Variants in HPSE2 observed in about 807,000 individuals in gnomAD.
HPSE2 encodes inactive heparanase-2.
In HPSE2, 38 loss-of-function variants were observed where a neutral mutation model predicts 60.5. The observed-to-expected ratio is 0.63, with a 90% CI of 0.48 to 0.82. HPSE2 has a LOEUF of 0.82. Among genes scored for constraint, HPSE2 ranks in the 40% least tolerant of loss-of-function variants. The pLI is 0.00. For missense variants in HPSE2, 713 were observed against 740.4 expected, an observed-to-expected ratio of 0.96 and a Z score of 0.43; for synonymous variants, 295 against 293.2, an observed-to-expected ratio of 1.01 and a Z score of -0.06.
intron 2 of HPSE2, among the ~76,000 whole-genome samples, chr10:99,218,929 GGAAAT>G (rs1849223154): frequency 6.6e-6 from 1 of 152,144 alleles, no homozygotes; most frequent in African/African-American, 2.4e-5. Context: ...ACAATTACAA[GGAAAT>G]AAACTCCCAG....
intron 9 of HPSE2, among the ~76,000 whole-genome samples, chr10:98,534,129 T>C (rs1446684712): frequency 6.6e-6 from 1 of 152,172 alleles, no homozygotes; most frequent in East Asian, 1.9e-4. Context: ...AAAACCATGA[T>C]ATGGAGGAAT....
intron 3 of HPSE2, among the ~76,000 whole-genome samples, chr10:98,759,581 T>G (rs1333948326): frequency 6.6e-6 from 1 of 152,138 alleles, no homozygotes; most frequent in East Asian, 1.9e-4. Flanking sequence ...TCAGAACCGT[T>G]GTTAAAGATC....
chr10:98,924,197 C>G (rs1343892832), intron 3 of HPSE2, among the ~76,000 whole-genome samples: 1 of 152,198 alleles, frequency 6.6e-6, no homozygotes, highest in African/African-American at 2.4e-5. Context: ...TTGTTCTTTT[C>G]CCTTACTTTC....
At chr10:99,305,622 T>C in the HPSE2 span, among the ~76,000 whole-genome samples, 2 of 152,180 alleles carry the variant, frequency 1.3e-5, no homozygotes, top group African/African-American at 2.4e-5. Flanking sequence ...TGGGGTGTTA[T>C]TATTTTAACA....
chr10:99,105,279 G>A (rs1345680061), intron 3 of HPSE2, among the ~76,000 whole-genome samples: 1 of 152,128 alleles, frequency 6.6e-6, no homozygotes, highest in Non-Finnish European at 1.5e-5. Context: ...AGAGATTCTA[G>A]TGGATGTGCA....
the HPSE2 span, among the ~76,000 whole-genome samples, chr10:99,305,267 C>G: frequency 6.6e-6 from 1 of 152,154 alleles, no homozygotes; most frequent in Non-Finnish European, 1.5e-5. Flanking sequence ...GGCTAAAGAG[C>G]TAATCCAAAA....
intron 3 of HPSE2, among the ~76,000 whole-genome samples, chr10:98,755,643 T>A (rs913855715): frequency 5.3e-5 from 8 of 152,164 alleles, no homozygotes; most frequent in Non-Finnish European, 1.0e-4. Context: ...AAAAAAATTT[T>A]AAAAAATCAT....
chr10:99,200,883 ATACAAAAG>A (rs1481434115), intron 2 of HPSE2, among the ~76,000 whole-genome samples: 2 of 152,184 alleles, frequency 1.3e-5, no homozygotes, highest in Non-Finnish European at 2.9e-5. Flanking sequence ...GGTATCTCAC[ATACAAAAG>A]TACTTCCTAC....
chr10:98,778,385 G>A (rs1950394506), intron 3 of HPSE2, among the ~76,000 whole-genome samples: 1 of 151,880 alleles, frequency 6.6e-6, no homozygotes, highest in Admixed American at 6.6e-5. Context: ...TAACTGGTGG[G>A]TTTAGAGCAA....
At chr10:99,086,009 C>A (rs1019140898) in intron 3 of HPSE2, among the ~76,000 whole-genome samples, 1 of 152,122 alleles carries the variant, frequency 6.6e-6, no homozygotes, top group Non-Finnish European at 1.5e-5. Context: ...CAAAGTACAC[C>A]ACAGATGATC....
At chr10:98,950,683 C>T (rs986206338) in intron 3 of HPSE2, among the ~76,000 whole-genome samples, 1 of 151,940 alleles carries the variant, frequency 6.6e-6, no homozygotes. Flanking sequence ...ATGGTGATGG[C>T]GGAACACACC....
Position 98,928,496 on chromosome 10 carries a change from C to A in HPSE2, c.611-184440G>T, listed in dbSNP as rs1164316518. 5.0e-4 allele frequency among the ~76,000 whole-genome samples: 54 copies of A among 108,342 alleles called. 5 individuals carry two copies. Among genetic ancestry groups the A allele is most frequent in the African/African-American group, 2.3e-3 (51 of 22,090 alleles). The allele number at this position is 108,342 out of a possible 152,430, so 71.1% of individuals were successfully genotyped here. ...CAGCCATCCCATTACTGGGTATATACCCAAAGGACTATAAATCATGCTGCT... is the reference window on the plus strand; with the variant it reads ...CAGCCATCCCATTACTGGGTATATAACCAAAGGACTATAAATCATGCTGCT... On this transcript the variant is annotated intron_variant, in intron 3 of 11. Transcript: ENST00000370552.
chr10:99,232,259 A>G, intron 2 of HPSE2, 89 bp downstream of exon 2: 1 of 1,407,834 alleles, frequency 7.1e-7, no homozygotes, highest in African/African-American at 1.5e-5. Flanking sequence ...ACACACACGA[A>G]CACACAGACA....
chr10:98,696,941 A>C (rs1438598683), intron 5 of HPSE2, among the ~76,000 whole-genome samples: 1 of 152,154 alleles, frequency 6.6e-6, no homozygotes, highest in African/African-American at 2.4e-5. Context: ...AACAAACAGA[A>C]GCAAAAACAA....
At chr10:98,526,393 T>C (rs1942967922) in intron 9 of HPSE2, among the ~76,000 whole-genome samples, 2 of 152,230 alleles carry the variant, frequency 1.3e-5, no homozygotes, top group Non-Finnish European at 2.9e-5. Flanking sequence ...TATTATTAGA[T>C]GTATCAGAGC....
chr10:98,471,003 G>T (rs143651109), intron 11 of HPSE2, among the ~76,000 whole-genome samples: 1 of 151,936 alleles, frequency 6.6e-6, no homozygotes, highest in African/African-American at 2.4e-5. Flanking sequence ...TCCTCTAATC[G>T]GCACAGTGAT....
chr10:99,073,275 C>T (rs1286086902), intron 3 of HPSE2, among the ~76,000 whole-genome samples: 2 of 152,096 alleles, frequency 1.3e-5, no homozygotes, highest in Non-Finnish European at 2.9e-5. Context: ...TAGAGATACA[C>T]AATGGAATAC....
intron 9 of HPSE2, among the ~76,000 whole-genome samples, chr10:98,572,737 C>A (rs1366279545): frequency 6.6e-6 from 1 of 152,178 alleles, no homozygotes; most frequent in Non-Finnish European, 1.5e-5. Flanking sequence ...AAAGAAAATC[C>A]CTTCTTGGAG....
intron 3 of HPSE2, among the ~76,000 whole-genome samples, chr10:98,751,220 G>C (rs1162227140): frequency 6.6e-6 from 1 of 152,076 alleles, no homozygotes; most frequent in Non-Finnish European, 1.5e-5. Flanking sequence ...AAGCTACTAT[G>C]CAAACAAAGC....
Sources: gnomAD v4.1 joint callset for allele counts (sites outside exome capture counted in the v4.1 genomes callset) on GRCh38, gnomAD v4.1.1 for gene constraint, MANE v1.5 for transcripts, NCBI Gene and HGNC (gene_info 2026-07-23, HGNC 2026-07-21) for gene names.